Variants in RBM20 observed in about 807,000 individuals in gnomAD.
RBM20 encodes the protein RNA binding motif protein 20, also known as RNA-binding protein 20.
Under a neutral mutation model 110.1 loss-of-function variants are expected in RBM20, and 51 were observed. The observed-to-expected ratio is 0.46, with a 90% confidence interval of 0.37 to 0.59. The LOEUF (loss-of-function observed/expected upper bound fraction) is 0.59, where lower values mean the gene tolerates loss of function less well. Ranked by LOEUF, RBM20 falls within the 20% of genes least tolerant of loss-of-function variation. The probability of loss-of-function intolerance (pLI) is 0.00; values close to 1 mark genes in which losing one functional copy is unlikely to be tolerated. For missense variants in RBM20, 1,512 were observed against 1,574.9 expected (o/e 0.96, Z 0.68); for synonymous variants, 589 against 618.2 (o/e 0.95, Z 0.70).
intron 1 of RBM20, among the ~76,000 whole-genome samples, chr10:110,673,232 G>C (rs1411472022): frequency 6.6e-6 from 1 of 150,816 alleles, no homozygotes; most frequent in African/African-American, 2.4e-5. Context: ...TTTTTTCTGA[G>C]ACGGAGTCTT....
chr10:110,755,253 A>G (rs1303898224), intron 1 of RBM20, among the ~76,000 whole-genome samples: 1 of 151,652 alleles, frequency 6.6e-6, no homozygotes, highest in Non-Finnish European at 1.5e-5. Flanking sequence ...CTCCTGTAAG[A>G]GTCTACATCA....
chr10:110,772,283 G>C (rs1009728031), intron 1 of RBM20, among the ~76,000 whole-genome samples: 1 of 152,212 alleles, frequency 6.6e-6, no homozygotes, highest in Admixed American at 6.5e-5. Flanking sequence ...AATCTTCAGG[G>C]ATATAGGTAA....
At chr10:110,772,671 C>T (rs1314382165) in intron 1 of RBM20, among the ~76,000 whole-genome samples, 2 of 152,160 alleles carry the variant, frequency 1.3e-5, no homozygotes, top group East Asian at 3.8e-4. Flanking sequence ...AATTGCCTAA[C>T]AACACATTTC....
At chr10:110,651,249 A>T (rs1211768543) in intron 1 of RBM20, among the ~76,000 whole-genome samples, 2 of 152,226 alleles carry the variant, frequency 1.3e-5, no homozygotes, top group Non-Finnish European at 2.9e-5. Context: ...TTAGCCATGG[A>T]CACAGGTACA....
intron 5 of RBM20, among the ~76,000 whole-genome samples, chr10:110,793,709 A>G (rs1844512661): frequency 6.6e-6 from 1 of 152,228 alleles, no homozygotes; most frequent in Admixed American, 6.5e-5. Context: ...AGACTCAGCT[A>G]TTTGTTAGAA....
At position 110,691,478 on chromosome 10, in the gene RBM20, G is replaced by T. The variant is rs114730707; in HGVS notation, c.191+46833G>T. Among the ~76,000 whole-genome samples the T allele has an allele frequency of 3.7e-3, 561 of 152,272 alleles. 4 individuals are homozygous for T. Among genetic ancestry groups the T allele is most frequent in the African/African-American group, 0.013 (534 of 41,544 alleles). ...GTTTTTATTATGGCCATCCTAGTAG[G>T]TGTGAAGTAGTATCTCATTGTAGTT... On this transcript the variant is annotated intron_variant, in intron 1 of 13. Coordinates refer to ENST00000369519, the MANE Select transcript of RBM20 (RefSeq NM_001134363.3).
At chr10:110,754,302 A>G (rs1393178776) in intron 1 of RBM20, among the ~76,000 whole-genome samples, 1 of 152,218 alleles carries the variant, frequency 6.6e-6, no homozygotes, top group African/African-American at 2.4e-5. Flanking sequence ...ATCACTGGTA[A>G]CTACGATGGG....
chr10:110,657,109 C>T (rs1052454452), intron 1 of RBM20, among the ~76,000 whole-genome samples: 4 of 152,024 alleles, frequency 2.6e-5, no homozygotes, highest in Middle Eastern at 3.4e-3. Flanking sequence ...CTCTTCCTCC[C>T]GGGTTCAAGC....
At chr10:110,696,334 T>C (rs1862663269) in intron 1 of RBM20, among the ~76,000 whole-genome samples, 1 of 152,220 alleles carries the variant, frequency 6.6e-6, no homozygotes, top group Non-Finnish European at 1.5e-5. Context: ...TTTTTTTCTC[T>C]CCAGATCTCA....
At chr10:110,643,963 C>A (rs559418083), upstream of RBM20, among the ~76,000 whole-genome samples, 10 of 152,284 alleles carry the variant, frequency 6.6e-5, no homozygotes, top group South Asian at 4.1e-4. Flanking sequence ...CCGCGCGCAC[C>A]GTCCCCAGGG....
At chr10:110,709,818 A>G (rs1180352688) in intron 1 of RBM20, among the ~76,000 whole-genome samples, 1 of 151,822 alleles carries the variant, frequency 6.6e-6, no homozygotes, top group Non-Finnish European at 1.5e-5. Flanking sequence ...CAATTCTCCC[A>G]CCTTGGCCTC....
intron 1 of RBM20, among the ~76,000 whole-genome samples, chr10:110,697,067 G>C (rs927108750): frequency 5.9e-5 from 9 of 152,204 alleles, no homozygotes; most frequent in African/African-American, 2.2e-4. Context: ...TTATCCTGTA[G>C]AGCCAAAGAT....
At chr10:110,814,248 G>T (rs1472479773) in intron 9 of RBM20, among the ~76,000 whole-genome samples, 1 of 152,150 alleles carries the variant, frequency 6.6e-6, no homozygotes, top group Non-Finnish European at 1.5e-5. Flanking sequence ...TGATGTGCTA[G>T]GTGCAGGCGA....
chr10:110,689,714 C>T (rs1225105296), intron 1 of RBM20, among the ~76,000 whole-genome samples: 1 of 152,162 alleles, frequency 6.6e-6, no homozygotes, highest in East Asian at 1.9e-4. Flanking sequence ...TAGAGTCCCT[C>T]CTGTTGGTGA....
chr10:110,810,076 A>T (rs1031051557), intron 7 of RBM20, among the ~76,000 whole-genome samples: 2 of 150,942 alleles, frequency 1.3e-5, no homozygotes, highest in African/African-American at 4.9e-5. Flanking sequence ...TCACATTTTA[A>T]TTTTTTTTTA....
rs57606079 is a variant in RBM20, at chr10:110,727,143, C to CTTTT, written c.192-53632_192-53629dup. 8.3e-4 allele frequency among the ~76,000 whole-genome samples: 67 copies of CTTTT among 80,656 alleles called. 2 individuals carry two copies. Among genetic ancestry groups the CTTTT allele is most frequent in the Non-Finnish European group, 1.2e-3 (54 of 43,496 alleles). The allele number at this position is 80,656 out of a possible 152,430, so 52.9% of individuals were successfully genotyped here. ...ACAGGCGTGAGTCACTGCACCCAGC[C>CTTTT]TTTTTTTTTTTTTTTTTTTTTTTTT... On this transcript the variant is annotated intron_variant, in intron 1 of 13. Transcript: ENST00000369519.
intron 1 of RBM20, among the ~76,000 whole-genome samples, chr10:110,680,173 C>A (rs1862401830): frequency 6.6e-6 from 1 of 151,948 alleles, no homozygotes; most frequent in African/African-American, 2.4e-5. Flanking sequence ...GTTTGTTTGG[C>A]AAAACCACTG....
At chr10:110,800,251 T>A (rs1201497155) in intron 7 of RBM20, among the ~76,000 whole-genome samples, 1 of 152,214 alleles carries the variant, frequency 6.6e-6, no homozygotes, top group Non-Finnish European at 1.5e-5. Flanking sequence ...TACAACCTTC[T>A]CTCCCTATAC....
Position 110,812,992 on chromosome 10 carries a change from A to C in RBM20, c.2550+45A>C, listed in dbSNP as rs1296321977. 3.9e-6 allele frequency: 5 copies of C among 1,283,644 alleles called. No individual in the cohort carries two copies. The African/African-American group carries it at 6.0e-5, about 15-fold the overall frequency. The allele number at this position is 1,283,644 out of a possible 1,614,324, so 79.5% of individuals were successfully genotyped here. A position where few individuals can be genotyped will look rare whatever the true frequency, so the allele number is the denominator to read the frequency against. On this transcript the variant is annotated intron_variant, in intron 9 of 13. Coordinates refer to ENST00000369519, the MANE Select transcript of RBM20 (RefSeq NM_001134363.3). ...CCAGGTAAGGCGAGGCAGGCCCTGA[A>C]GGAGAATAATCATAATAATATAATG...
Sources: allele counts gnomAD v4.1 joint callset (sites outside exome capture counted in the v4.1 genomes callset), GRCh38; gene constraint gnomAD v4.1.1; transcripts MANE v1.5; gene names NCBI Gene and HGNC (gene_info 2026-07-23, HGNC 2026-07-21).